Variants in PLCL1 observed in about 807,000 individuals in gnomAD.
PLCL1 encodes the protein inactive phospholipase C-like protein 1.
A neutral mutation model predicts 84.4 loss-of-function variants in PLCL1; 41 were observed. The observed-to-expected ratio is 0.49, with a 90% CI of 0.38 to 0.63. PLCL1 has a LOEUF of 0.63. Ranked by LOEUF, PLCL1 falls within the 30% of genes least tolerant of loss-of-function variation. The pLI, the probability that PLCL1 is intolerant of heterozygous loss-of-function variation, is 0.00. For missense variants in PLCL1, 1,206 were observed against 1,367.8 expected (o/e 0.88, Z 1.87); for synonymous variants, 490 against 488.3 (o/e 1.00, Z -0.05).
intron 1 of PLCL1, among the ~76,000 whole-genome samples, chr2:198,072,482 G>T (rs1692486188): frequency 6.6e-6 from 1 of 151,176 alleles, no homozygotes; most frequent in African/African-American, 2.4e-5. Flanking sequence ...TTATCTTATT[G>T]CTTTGGCTTA....
intron 5 of PLCL1, among the ~76,000 whole-genome samples, chr2:198,111,592 C>T (rs1489993608): frequency 6.6e-6 from 1 of 151,842 alleles, no homozygotes; most frequent in Non-Finnish European, 1.5e-5. Flanking sequence ...TCAGTGCTTA[C>T]AATAATCAAG....
rs1694538316 is a variant in PLCL1 at position 198,147,036 on chromosome 2, A to C, written c.*74A>C. 1 of 1,298,268 alleles carries C rather than the reference A, an allele frequency of 7.7e-7. No individual in the cohort carries two copies. The highest frequency in any genetic ancestry group is 1.0e-6 in the Non-Finnish European group (1 of 960,226). 80.4% of individuals were successfully genotyped at this position (1,298,268 alleles called of 1,614,324 possible). On this transcript the variant is annotated 3_prime_UTR_variant, in exon 6 of 6. Transcript: ENST00000428675. Reference sequence around the variant, plus strand: ...TCTCATTCTTGTTTTCTTTCTTTAAATGTTTTATAAGTTCACAAAATGGTG... The same window carrying C: ...TCTCATTCTTGTTTTCTTTCTTTAACTGTTTTATAAGTTCACAAAATGGTG...
intron 1 of PLCL1, among the ~76,000 whole-genome samples, chr2:197,955,808 A>T (rs1347633275): frequency 2.0e-5 from 3 of 146,466 alleles, no homozygotes; most frequent in South Asian, 2.2e-4. Flanking sequence ...TTTTATTATT[A>T]TTTTTTAATT....
chr2:198,085,078 T>G lies in PLCL1; in HGVS notation c.1561T>G (p.Leu521Val). ...CAATAAACTCTATACTGAAGCACCTTTGCCCTCAGAATCCTACCTCCCATC... is the reference window on the plus strand; with the variant it reads ...CAATAAACTCTATACTGAAGCACCTGTGCCCTCAGAATCCTACCTCCCATC... ...FGNKLYTEAP[L>V]PSESYLPSPE... is the part of the protein sequence containing the mutation. Residue 521 changes from leucine to valine, a missense_variant, in exon 2 of 6, where the codon TTG (leucine) becomes GTG (valine). Leu to Val is a conservative substitution (Grantham distance 32). Coordinates refer to ENST00000428675, the MANE Select transcript of PLCL1 (RefSeq NM_006226.4). This position sits in a 1 kb window ranked among gnomAD's most constrained non-coding sequence, Gnocchi z 5.3. The G allele has an allele frequency of 2.5e-6, 4 of 1,614,064 alleles. No homozygotes were observed. Among genetic ancestry groups the G allele is most frequent in the Non-Finnish European group, 3.4e-6 (4 of 1,179,948 alleles).
chr2:198,082,583 C>G (rs933076736), intron 1 of PLCL1, among the ~76,000 whole-genome samples: 1 of 152,090 alleles, frequency 6.6e-6, no homozygotes. Flanking sequence ...GGGGCAATCA[C>G]GTGAATTGGG....
At chr2:198,040,036 C>T (rs374077288) in intron 1 of PLCL1, among the ~76,000 whole-genome samples, 17 of 152,118 alleles carry the variant, frequency 1.1e-4, no homozygotes, top group Admixed American at 7.2e-4. Context: ...ACATTTTGTC[C>T]GAAGTAGGGC....
At chr2:197,825,737 T>C (rs572898086) in intron 1 of PLCL1, among the ~76,000 whole-genome samples, 1 of 152,350 alleles carries the variant, frequency 6.6e-6, no homozygotes, top group South Asian at 2.1e-4. Flanking sequence ...GAATTTGATC[T>C]GGGATCCTGG....
chr2:198,015,620 T>A (rs373345071), intron 1 of PLCL1, among the ~76,000 whole-genome samples: 1 of 152,178 alleles, frequency 6.6e-6, no homozygotes, highest in East Asian at 1.9e-4. Context: ...TACTACTTGT[T>A]AATACAAATG....
At chr2:197,906,166 C>T (rs1006211720) in intron 1 of PLCL1, among the ~76,000 whole-genome samples, 1 of 152,090 alleles carries the variant, frequency 6.6e-6, no homozygotes, top group South Asian at 2.1e-4. Context: ...ATGGTATTGC[C>T]TAGGTTTTCT....
At chr2:197,816,662 C>T (rs1464073976) in intron 1 of PLCL1, among the ~76,000 whole-genome samples, 2 of 151,858 alleles carry the variant, frequency 1.3e-5, no homozygotes, top group Non-Finnish European at 2.9e-5. Context: ...AGATTTGTCT[C>T]CCAGTGTCAA....
chr2:197,834,291 A>T (rs1299130219), intron 1 of PLCL1, among the ~76,000 whole-genome samples: 2 of 152,244 alleles, frequency 1.3e-5, no homozygotes, highest in Non-Finnish European at 2.9e-5. Flanking sequence ...CAAAAGCCAA[A>T]ATTGACAAAT....
intron 1 of PLCL1, among the ~76,000 whole-genome samples, chr2:197,989,702 TCAAAA>T (rs534529522): frequency 6.6e-6 from 1 of 151,722 alleles, no homozygotes; most frequent in East Asian, 1.9e-4. Context: ...AGACTCTGTC[TCAAAA>T]CAAAACAAAA....
At chr2:197,880,252 C>A (rs1687805656) in intron 1 of PLCL1, among the ~76,000 whole-genome samples, 1 of 152,038 alleles carries the variant, frequency 6.6e-6, no homozygotes, top group Admixed American at 6.6e-5. Flanking sequence ...CCCTCTCTCT[C>A]TTTTTCTCTT....
chr2:198,016,673 T>C (rs1335304103), intron 1 of PLCL1, among the ~76,000 whole-genome samples: 1 of 152,196 alleles, frequency 6.6e-6, no homozygotes, highest in Non-Finnish European at 1.5e-5. Context: ...TAAGGCGTCT[T>C]CTACCATGGC....
chr2:198,054,535 C>T (rs58530756), intron 1 of PLCL1, among the ~76,000 whole-genome samples: 6,884 of 152,226 alleles, frequency 0.045, 508 homozygotes, highest in African/African-American at 0.16. Flanking sequence ...CCATTGACTC[C>T]AGCCCCATCT....
intron 1 of PLCL1, among the ~76,000 whole-genome samples, chr2:197,890,050 A>G (rs1335647875): frequency 1.3e-5 from 2 of 152,204 alleles, no homozygotes; most frequent in African/African-American, 4.8e-5. Context: ...TAAATAGAAT[A>G]AGACAGTATT....
chr2:198,084,801 C>G lies in PLCL1; in HGVS notation c.1284C>G (p.Ile428Met), dbSNP rs1355588357. The stretch of plus-strand genomic sequence containing the variant: ...ACCAGTTCAGGGGGCCAGCTGACAT[C>G]AATGGGTACATTAGAGCTTTGAAAA... Reference protein sequence around the residue: ...IEDQFRGPADINGYIRALKMG... With the variant: ...IEDQFRGPADMNGYIRALKMG... The change falls in exon 2 of 6, where the codon ATC becomes ATG. Residue 428 changes from isoleucine to methionine, a missense_variant. Transcript: ENST00000428675. 6.2e-7 allele frequency: 1 copy of G among 1,613,944 alleles called. No individual in the cohort carries two copies. The highest frequency in any genetic ancestry group is 8.5e-7 in the Non-Finnish European group (1 of 1,179,968).
intron 1 of PLCL1, among the ~76,000 whole-genome samples, chr2:197,831,486 T>C (rs1276390034): frequency 1.3e-5 from 2 of 152,120 alleles, no homozygotes; most frequent in African/African-American, 2.4e-5. Flanking sequence ...TAAATATATA[T>C]GCACCCAATA....
At chr2:197,826,786 C>T (rs896933193) in intron 1 of PLCL1, among the ~76,000 whole-genome samples, 1 of 152,096 alleles carries the variant, frequency 6.6e-6, no homozygotes, top group Non-Finnish European at 1.5e-5. Context: ...GAGCTGAGCT[C>T]CAAGCCAGGT....
Sources: gnomAD v4.1 joint callset for allele counts (sites outside exome capture counted in the v4.1 genomes callset) on GRCh38, gnomAD v4.1.1 for gene constraint, Gnocchi (gnomAD v3.1) non-coding constraint, MANE v1.5 for transcripts, NCBI Gene and HGNC (gene_info 2026-07-23, HGNC 2026-07-21) for gene names.